CHSY1: variants seen among roughly 807,000 people sequenced by gnomAD.
The protein encoded by CHSY1 is N-acetylgalactosaminyl-proteoglycan 3-beta-glucuronosyltransferase 1.
CHSY1 carries 13 observed loss-of-function variants against 59.8 expected under a neutral mutation model. The ratio of observed to expected loss-of-function variants is 0.22; its 90% CI spans 0.14 to 0.35. The LOEUF is 0.35. Ranked by LOEUF, CHSY1 falls within the 10% of genes least tolerant of loss-of-function variation. CHSY1 has a pLI of 1.00. For missense variants in CHSY1, 947 were observed against 1,030.6 expected (o/e 0.92, Z 1.11); for synonymous variants, 459 against 401.2 (o/e 1.14, Z -1.72).
chr15:101,243,778 A>G (rs543572471), intron 1 of CHSY1, among the ~76,000 whole-genome samples: 1 of 152,354 alleles, frequency 6.6e-6, no homozygotes, highest in Non-Finnish European at 1.5e-5. Flanking sequence ...ATTTAACTGA[A>G]GGCCAGACAA....
chr15:101,236,820 G>GT (rs1250303235), intron 1 of CHSY1, among the ~76,000 whole-genome samples: 2 of 150,324 alleles, frequency 1.3e-5, no homozygotes, highest in East Asian at 4.0e-4. Context: ...GCAAGACTCT[G>GT]TCTCAAAAAA....
chr15:101,183,747 T>A (rs1333291891), intron 2 of CHSY1, among the ~76,000 whole-genome samples: 1 of 152,160 alleles, frequency 6.6e-6, no homozygotes. Flanking sequence ...GCCCACTGCC[T>A]CCATCTCCAG....
In CHSY1 at chr15:101,177,367, C is replaced by G. The variant is rs750585718; in HGVS notation, c.*21G>C. 4.4e-6 allele frequency: 7 copies of G among 1,593,622 alleles called. No homozygotes were observed. In the South Asian group the frequency reaches 7.0e-5, roughly 16 times the overall value. On this transcript the variant is annotated 3_prime_UTR_variant, in exon 3 of 3. Coordinates refer to ENST00000254190, the MANE Select transcript of CHSY1 (RefSeq NM_014918.5). The stretch of plus-strand genomic sequence containing the variant: ...AAATAAATTAGATAATTAAAAACGT[C>G]TTTTCCAGCAAAGCTGGACATTAGG...
chr15:101,204,548 G>A (rs1203735313), intron 2 of CHSY1, among the ~76,000 whole-genome samples: 1 of 151,608 alleles, frequency 6.6e-6, no homozygotes, highest in East Asian at 1.9e-4. Context: ...AGACTTATAG[G>A]AGTTTTCTAT....
rs56741361 is a variant in CHSY1, at chr15:101,246,356, CT to C, written c.320+4780del. The stretch of plus-strand genomic sequence containing the variant: ...GGACGAATAAGCAAAATACGTGTGG[CT>C]TTTTTTTTTTTTTAATCAAAACGTT... On this transcript the variant is annotated intron_variant, in intron 1 of 2. Transcript: ENST00000254190. 1.4e-4 allele frequency among the ~76,000 whole-genome samples: 11 copies of C among 81,038 alleles called. No homozygotes were observed. In the South Asian group the frequency reaches 1.6e-3, roughly 12 times the overall value. The allele number at this position is 81,038 out of a possible 152,430, so 53.2% of individuals were successfully genotyped here.
rs1315448986 is a variant in CHSY1, at chr15:101,177,504, C to T, written c.2293G>A (p.Gly765Arg). Residue 765 changes from glycine (G) to arginine (R), a missense_variant, in exon 3 of 3, where the codon GGG (glycine) becomes AGG (arginine). Physicochemically the swap from Gly to Arg is moderately radical, Grantham distance 125. This residue lies in a region of CHSY1 where 602 missense variants were observed against 676.9 expected (regional missense o/e 0.89). Transcript: ENST00000254190. ...LDPKQYKMCLGSKASTYGSTQ... is the reference protein window; with the variant it reads ...LDPKQYKMCLRSKASTYGSTQ... ...GACCCATAGGTCGATGCTTTGGACCCCAAGCACATTTTGTACTGTTTGGGG... is the reference window on the plus strand; with the variant it reads ...GACCCATAGGTCGATGCTTTGGACCTCAAGCACATTTTGTACTGTTTGGGG... 5.6e-6 allele frequency: 9 copies of T among 1,613,188 alleles called. No individual in the cohort carries two copies. Among genetic ancestry groups the T allele is most frequent in the Non-Finnish European group, 7.6e-6 (9 of 1,179,294 alleles).
In CHSY1 at chr15:101,235,646, C is replaced by T. The variant is rs952018455; in HGVS notation, c.321-69G>A. On this transcript the variant is annotated intron_variant, in intron 1 of 2. Coordinates refer to ENST00000254190, the MANE Select transcript of CHSY1 (RefSeq NM_014918.5). Reference sequence around the variant, plus strand: ...GCTGATTTTCAGGAATTCACGTTATCTGCTCATCTTGTATCGCCGTGTTCA... The same window carrying T: ...GCTGATTTTCAGGAATTCACGTTATTTGCTCATCTTGTATCGCCGTGTTCA... The T allele has an allele frequency of 1.5e-5, 23 of 1,519,264 alleles. No individual in the cohort carries two copies. The African/African-American group carries it at 3.0e-4, about 20-fold the overall frequency. 94.1% of individuals were successfully genotyped at this position (1,519,264 alleles called of 1,614,324 possible).
chr15:101,183,294 C>T (rs7168592), intron 2 of CHSY1, among the ~76,000 whole-genome samples: 15,142 of 152,088 alleles, frequency 0.1, 807 homozygotes, highest in East Asian at 0.18. Context: ...ATAAAAAGTA[C>T]AGTATAAAAG....
In CHSY1 at chr15:101,210,436, G is replaced by A. The variant is rs182251002; in HGVS notation, c.816+24646C>T. 1.2e-4 allele frequency among the ~76,000 whole-genome samples: 19 copies of A among 152,250 alleles called. No individual in the cohort carries two copies. In the East Asian group the frequency reaches 3.5e-3, roughly 28 times the overall value. The stretch of plus-strand genomic sequence containing the variant: ...GATACAGAGACACTAGATGGATACT[G>A]GAAAAGTAATGCTTTGAATCTCAAA... On this transcript the variant is annotated intron_variant, in intron 2 of 2. Coordinates refer to ENST00000254190, the MANE Select transcript of CHSY1 (RefSeq NM_014918.5).
chr15:101,198,681 G>C (rs1187222602), intron 2 of CHSY1, among the ~76,000 whole-genome samples: 3 of 152,208 alleles, frequency 2.0e-5, no homozygotes, highest in Non-Finnish European at 4.4e-5. Flanking sequence ...CGTAGTACCA[G>C]GCCCAAAACA....
chr15:101,244,860 A>C (rs750051458), intron 1 of CHSY1, among the ~76,000 whole-genome samples: 1 of 152,222 alleles, frequency 6.6e-6, no homozygotes, highest in Non-Finnish European at 1.5e-5. Flanking sequence ...TTATCTCCTA[A>C]AGCAGGACAC....
intron 2 of CHSY1, among the ~76,000 whole-genome samples, chr15:101,211,357 A>G (rs1305177626): frequency 6.6e-6 from 1 of 152,218 alleles, no homozygotes; most frequent in Non-Finnish European, 1.5e-5. Context: ...GTGTGATGGC[A>G]GATTAGATAC....
At position 101,176,298 on chromosome 15, in the gene CHSY1, AC is replaced by A; in HGVS notation, c.*1089del. 2.5e-6 allele frequency: 1 copy of A among 398,504 alleles called. No individual in the cohort carries two copies. The highest frequency in any genetic ancestry group is 4.4e-6 in the Non-Finnish European group (1 of 226,024). 24.7% of individuals were successfully genotyped at this position (398,504 alleles called of 1,614,324 possible). ...TAATGAAAGAATGAAAACCATCTCC[AC>A]CCACATAACACAGACAGGATGAAAG... On this transcript the variant is annotated 3_prime_UTR_variant, in exon 3 of 3. Transcript: ENST00000254190.
chr15:101,239,885 G>A (rs1041926776), intron 1 of CHSY1, among the ~76,000 whole-genome samples: 5 of 152,128 alleles, frequency 3.3e-5, no homozygotes, highest in East Asian at 1.9e-4. Context: ...CCTGCTTCCC[G>A]TGTACCCCAC....
chr15:101,217,718 C>T (rs1373434132), intron 2 of CHSY1, among the ~76,000 whole-genome samples: 2 of 152,186 alleles, frequency 1.3e-5, no homozygotes, highest in Non-Finnish European at 2.9e-5. Flanking sequence ...TATAAATACG[C>T]ATGGGGCCAT....
chr15:101,203,212 G>A (rs1361870052), intron 2 of CHSY1, among the ~76,000 whole-genome samples: 5 of 152,160 alleles, frequency 3.3e-5, no homozygotes, highest in African/African-American at 1.2e-4. Flanking sequence ...TAAAGGCAGC[G>A]TGGGCGCCCA....
At chr15:101,205,034 A>C (rs2038611203) in intron 2 of CHSY1, among the ~76,000 whole-genome samples, 1 of 152,244 alleles carries the variant, frequency 6.6e-6, no homozygotes, top group African/African-American at 2.4e-5. Flanking sequence ...TATGGCTAAC[A>C]GATTTCTAAA....
chr15:101,196,246 A>C (rs1342084199), intron 2 of CHSY1, among the ~76,000 whole-genome samples: 4 of 151,022 alleles, frequency 2.6e-5, no homozygotes, highest in South Asian at 4.2e-4. Context: ...AAAAAAAAAA[A>C]CATATATGTA....
At chr15:101,211,833 T>C (rs2038685360) in intron 2 of CHSY1, among the ~76,000 whole-genome samples, 1 of 151,474 alleles carries the variant, frequency 6.6e-6, no homozygotes, top group Non-Finnish European at 1.5e-5. Context: ...TGGAATGATA[T>C]CTTCCAAGCG....
Sources: allele counts gnomAD v4.1 joint callset (sites outside exome capture counted in the v4.1 genomes callset), GRCh38; gene constraint gnomAD v4.1.1; regional missense constraint gnomAD v4.1.1; transcripts MANE v1.5; gene names NCBI Gene and HGNC (gene_info 2026-07-23, HGNC 2026-07-21).